ZNF92: variants seen among roughly 807,000 people sequenced by gnomAD.
ZNF92 encodes the protein epididymis luminal protein 203.
Under a neutral mutation model 12.4 loss-of-function variants are expected in ZNF92, and 11 were observed. The observed-to-expected ratio is 0.89, with a 90% CI of 0.56 to 1.47. ZNF92 has a LOEUF of 1.47. Ranked by LOEUF, ZNF92 falls within the 40% of genes most tolerant of loss-of-function variation. The probability of loss-of-function intolerance (pLI) is 0.00; values close to 1 mark genes in which losing one functional copy is unlikely to be tolerated. For missense variants in ZNF92, 622 were observed against 681.0 expected (o/e 0.91, Z 0.96); for synonymous variants, 206 against 228.6 (o/e 0.90, Z 0.89).
At chr7:65,391,195 A>G (rs1324959432) in intron 3 of ZNF92, among the ~76,000 whole-genome samples, 1 of 151,724 alleles carries the variant, frequency 6.6e-6, no homozygotes, top group Non-Finnish European at 1.5e-5. Context: ...AGCAATCTCC[A>G]ACCTCAATGT....
At chr7:65,379,989 G>A (rs1014134006) in intron 1 of ZNF92, among the ~76,000 whole-genome samples, 2 of 152,020 alleles carry the variant, frequency 1.3e-5, no homozygotes, top group African/African-American at 2.4e-5. Flanking sequence ...AACCAAATGG[G>A]TATTTTTTTC....
Position 65,398,938 on chromosome 7 carries a change from A to G in ZNF92, c.824A>G (p.His275Arg), listed in dbSNP as rs1311940050. 6.2e-6 allele frequency: 10 copies of G among 1,613,542 alleles called. No homozygotes were observed. Among genetic ancestry groups the G allele is most frequent in the Non-Finnish European group, 8.5e-6 (10 of 1,179,798 alleles). ...AFNRSSTLTKHKRIHTEEKPY... is the reference protein window; with the variant it reads ...AFNRSSTLTKRKRIHTEEKPY... ...AACCGGTCCTCAACCCTTACTAAAC[A>G]TAAAAGAATTCATACAGAAGAGAAA... Residue 275 changes from histidine to arginine, a missense_variant, in exon 4 of 4, where the codon CAT becomes CGT. Physicochemically the swap from His to Arg is conservative, Grantham distance 29. Coordinates refer to ENST00000328747, the MANE Select transcript of ZNF92 (RefSeq NM_152626.4).
chr7:65,385,939 C>T (rs932466546), intron 1 of ZNF92, among the ~76,000 whole-genome samples: 2 of 151,954 alleles, frequency 1.3e-5, no homozygotes, highest in African/African-American at 2.4e-5. Flanking sequence ...TATAAACCTT[C>T]TCTACTTGTG....
Position 65,387,957 on chromosome 7 carries a change from G to T in ZNF92, c.59G>T (p.Cys20Phe). 1 of 1,608,358 alleles carries T rather than the reference G, an allele frequency of 6.2e-7. No individual in the cohort carries two copies. Among genetic ancestry groups the T allele is most frequent in the Non-Finnish European group, 8.5e-7 (1 of 1,177,976 alleles). Residue 20 changes from cysteine to phenylalanine, a missense_variant, in exon 2 of 4, where the codon TGC becomes TTC. By Grantham distance (205) the Cys-to-Phe change is radical (BLOSUM62 -2). Coordinates refer to ENST00000328747, the MANE Select transcript of ZNF92 (RefSeq NM_152626.4). ...GAATTCTCTCTAGAGGAATGGCAAT[G>T]CCTGGACACTGCGCAGCGGAATTTA... Reference protein sequence around the residue: ...KIEFSLEEWQCLDTAQRNLYR... With the variant: ...KIEFSLEEWQFLDTAQRNLYR...
rs912691369 is a variant in ZNF92, at chr7:65,401,052, T to G, written c.*1177T>G. The G allele has an allele frequency of 3.3e-5, 5 of 152,070 alleles. No individual in the cohort carries two copies. Among genetic ancestry groups the G allele is most frequent in the African/African-American group, 1.2e-4 (5 of 41,428 alleles). The allele number at this position is 152,070 out of a possible 1,614,324, so 9.4% of individuals were successfully genotyped here. A position where few individuals can be genotyped will look rare whatever the true frequency, so the allele number is the denominator to read the frequency against. On this transcript the variant is annotated 3_prime_UTR_variant, in exon 4 of 4. Transcript: ENST00000328747. ...AATTATCATTTTGTTGATTGTGCTT[T>G]TATGTAATAAAATGCAGTACTTTAA...
At chr7:65,383,300 A>G (rs1562790857) in intron 1 of ZNF92, among the ~76,000 whole-genome samples, 1 of 152,130 alleles carries the variant, frequency 6.6e-6, no homozygotes, top group Non-Finnish European at 1.5e-5. Flanking sequence ...AGCAGCCTTT[A>G]TGAGGGGATC....
At chr7:65,377,176 T>C (rs117859395) in intron 1 of ZNF92, among the ~76,000 whole-genome samples, 2,254 of 152,236 alleles carry the variant, frequency 0.015, 37 homozygotes, top group Middle Eastern at 0.027. Context: ...GTTTGAGTAA[T>C]TTTGCTGGAT....
intron 1 of ZNF92, among the ~76,000 whole-genome samples, chr7:65,384,251 C>T (rs1023269152): frequency 1.3e-5 from 2 of 152,148 alleles, no homozygotes; most frequent in Non-Finnish European, 2.9e-5. Context: ...ATTTAAGTTT[C>T]TCTTAGGTAA....
In ZNF92 at chr7:65,400,219, A is replaced by T. The variant is rs1409879099; in HGVS notation, c.*344A>T. 1.7e-5 allele frequency: 3 copies of T among 173,696 alleles called. No individual in the cohort carries two copies. The highest frequency in any genetic ancestry group is 3.7e-5 in the Non-Finnish European group (3 of 80,910). 10.8% of individuals were successfully genotyped at this position (173,696 alleles called of 1,614,324 possible). ...TCAGAAAATATAAGCCTTTAATACG[A>T]GGAAGAGTATTCTTAAGATGAACAT... On this transcript the variant is annotated 3_prime_UTR_variant, in exon 4 of 4. Transcript: ENST00000328747.
intron 1 of ZNF92, 95 bp downstream of exon 1, chr7:65,374,095 C>A: frequency 6.5e-7 from 1 of 1,549,064 alleles, no homozygotes; most frequent in Non-Finnish European, 8.9e-7. Flanking sequence ...TTCCCGCAGT[C>A]GGCTCCGAGA....
intron 3 of ZNF92, among the ~76,000 whole-genome samples, chr7:65,392,165 T>C (rs1793734387): frequency 6.6e-6 from 1 of 152,110 alleles, no homozygotes; most frequent in Non-Finnish European, 1.5e-5. Context: ...TATCTATTAA[T>C]ATGACTTTAA....
At chr7:65,392,515 A>T (rs1793741754) in intron 3 of ZNF92, among the ~76,000 whole-genome samples, 1 of 151,336 alleles carries the variant, frequency 6.6e-6, no homozygotes, top group African/African-American at 2.4e-5. Flanking sequence ...GGAGGCCAAG[A>T]CAGGAGCATC....
intron 2 of ZNF92, 85 bp from the exon 3 acceptor site, chr7:65,388,721 T>C (rs1793634370): frequency 9.3e-7 from 1 of 1,077,738 alleles, no homozygotes; most frequent in African/African-American, 1.6e-5. Flanking sequence ...GATTAATCTA[T>C]TGCATCCTCT....
chr7:65,387,603 T>G (rs958690647), intron 1 of ZNF92, among the ~76,000 whole-genome samples: 1 of 150,520 alleles, frequency 6.6e-6, no homozygotes, highest in Admixed American at 6.7e-5. Context: ...ATCTGAAACA[T>G]ATACACTCAG....
At chr7:65,377,541 ATTTG>A (rs1341033828) in intron 1 of ZNF92, among the ~76,000 whole-genome samples, 2 of 151,852 alleles carry the variant, frequency 1.3e-5, no homozygotes, top group African/African-American at 2.4e-5. Flanking sequence ...GTTACTTTTT[ATTTG>A]TTTATTTATT....
intron 3 of ZNF92, among the ~76,000 whole-genome samples, chr7:65,396,102 C>CAG (rs10699104): frequency 0.28 from 42,272 of 151,658 alleles, 7,732 homozygotes; most frequent in African/African-American, 0.5. Flanking sequence ...TCTGTAAAGA[C>CAG]GGTTTTGCCA....
At chr7:65,393,148 C>T (rs1793761486) in intron 3 of ZNF92, among the ~76,000 whole-genome samples, 1 of 152,076 alleles carries the variant, frequency 6.6e-6, no homozygotes, top group African/African-American at 2.4e-5. Context: ...AAACTCAGTA[C>T]CCGTTAAGCA....
chr7:65,393,301 CAAA>C (rs1309129866), intron 3 of ZNF92, among the ~76,000 whole-genome samples: 1 of 148,764 alleles, frequency 6.7e-6, no homozygotes, highest in African/African-American at 2.5e-5. Flanking sequence ...TGTCAGGTGA[CAAA>C]ATATTCTCAA....
At chr7:65,395,169 C>T (rs192378819) in intron 3 of ZNF92, among the ~76,000 whole-genome samples, 1 of 152,172 alleles carries the variant, frequency 6.6e-6, no homozygotes, top group East Asian at 1.9e-4. Context: ...GATCCTTTTC[C>T]TCAGCCTCCT....
Sources: allele counts gnomAD v4.1 joint callset (sites outside exome capture counted in the v4.1 genomes callset), GRCh38; gene constraint gnomAD v4.1.1; transcripts MANE v1.5; gene names NCBI Gene and HGNC (gene_info 2026-07-23, HGNC 2026-07-21).